Variants in TFF1 observed in about 807,000 individuals in gnomAD.
The protein encoded by TFF1 is trefoil factor 1, also known as breast cancer estrogen-inducible protein.
TFF1 carries 8 observed loss-of-function variants against 7.7 expected under a neutral mutation model. That is an observed-to-expected ratio of 1.04 (90% CI 0.61 to 1.87). TFF1 has a LOEUF of 1.87. Ranked by LOEUF, TFF1 falls within the 40% of genes most tolerant of loss-of-function variation. The pLI, the probability that TFF1 is intolerant of heterozygous loss-of-function variation, is 0.00. For missense variants in TFF1, 120 were observed against 113.4 expected (o/e 1.06, Z -0.26); for synonymous variants, 47 against 44.8 (o/e 1.05, Z -0.19).
intron 1 of TFF1, among the ~76,000 whole-genome samples, chr21:42,366,117 C>T (rs144789040): frequency 2.1e-4 from 32 of 152,296 alleles, no homozygotes; most frequent in African/African-American, 7.2e-4. Flanking sequence ...AACACTTCCT[C>T]TTTGAAACAT....
Position 42,362,282 on chromosome 21 carries a change from T to C in TFF1, c.*197A>G, listed in dbSNP as rs1210010975. ...TCTTTAAAAGAATGAACAGCACAGA[T>C]TAATATCGATCTCTTTTAATTTTTA... On this transcript the variant is annotated 3_prime_UTR_variant, in exon 3 of 3. Transcript: ENST00000291527. The C allele has an allele frequency of 8.2e-6, 5 of 608,224 alleles. No individual in the cohort carries two copies. The Admixed American group carries it at 1.4e-4, about 17-fold the overall frequency. The allele number at this position is 608,224 out of a possible 1,614,324, so 37.7% of individuals were successfully genotyped here.
In TFF1 at chr21:42,362,479, C is replaced by T; in HGVS notation, c.255G>A (p.Ter85=). 6.3e-7 allele frequency: 1 copy of T among 1,585,042 alleles called. No homozygotes were observed. Among genetic ancestry groups the T allele is most frequent in the Non-Finnish European group, 8.6e-7 (1 of 1,165,902 alleles). The change falls in exon 3 of 3, where the codon TAG becomes TAA. Residue 85 remains the stop codon, a stop_retained_variant. Transcript: ENST00000291527. ...DVPPEEECEF[*] ...TGCAGGCAGATCCCTGCAGAAGTGTCTAAAATTCACACTCCTCTACAGGGG... is the reference window on the plus strand; with the variant it reads ...TGCAGGCAGATCCCTGCAGAAGTGTTTAAAATTCACACTCCTCTACAGGGG...
rs372990908 is a variant in TFF1, at chr21:42,362,446, C to A, written c.*33G>T. 8 of 1,570,144 alleles carry A rather than the reference C, an allele frequency of 5.1e-6. No homozygotes were observed. The African/African-American group carries it at 9.5e-5, about 19-fold the overall frequency. Reference sequence around the variant, plus strand: ...AATCACCGTGCTGGGGACGGCACCGCGTCAGGATGCAGGCAGATCCCTGCA... The same window carrying A: ...AATCACCGTGCTGGGGACGGCACCGAGTCAGGATGCAGGCAGATCCCTGCA... On this transcript the variant is annotated 3_prime_UTR_variant, in exon 3 of 3. Coordinates refer to ENST00000291527, the MANE Select transcript of TFF1 (RefSeq NM_003225.3).
At position 42,366,466 on chromosome 21, in the gene TFF1, G is replaced by A. The variant is rs199751735; in HGVS notation, c.30C>T (p.Cys10=). Residue 10 remains cysteine (C), a synonymous_variant, in exon 1 of 3, where the codon TGC becomes TGT. Transcript: ENST00000291527. Reference sequence around the variant, plus strand: ...CCAGCATGGACACCAGGACCAGGGCGCAGATCACCTTGTTCTCCATGGTGG... The same window carrying A: ...CCAGCATGGACACCAGGACCAGGGCACAGATCACCTTGTTCTCCATGGTGG... MATMENKVI[C]ALVLVSMLAL... is the part of the protein sequence containing the mutation. 1.1e-4 allele frequency: 172 copies of A among 1,612,788 alleles called. 1 individual carries two copies. Among genetic ancestry groups the A allele is most frequent in the Admixed American group, 8.0e-4 (48 of 59,992 alleles).
At chr21:42,365,557 C>T (rs1468013116) in intron 1 of TFF1, among the ~76,000 whole-genome samples, 1 of 152,138 alleles carries the variant, frequency 6.6e-6, no homozygotes, top group African/African-American at 2.4e-5. Context: ...CTCTTCAGGC[C>T]TCTCTGGAAA....
At chr21:42,363,627 T>C (rs1021556940) in intron 1 of TFF1, among the ~76,000 whole-genome samples, 2 of 152,256 alleles carry the variant, frequency 1.3e-5, no homozygotes, top group African/African-American at 4.8e-5. Flanking sequence ...TTGTGGACTT[T>C]GCATCTTTCT....
Position 42,366,394 on chromosome 21 carries a change from G to A in TFF1, c.85+17C>T. 6.3e-7 allele frequency: 1 copy of A among 1,595,712 alleles called. No individual in the cohort carries two copies. Among genetic ancestry groups the A allele is most frequent in the Non-Finnish European group, 8.6e-7 (1 of 1,166,966 alleles). On this transcript the variant is annotated intron_variant, in intron 1 of 2. Coordinates refer to ENST00000291527, the MANE Select transcript of TFF1 (RefSeq NM_003225.3). ...AGCTGGCTGTGGCCCCACAGAGCAG[G>A]AAGAAGCACGCCTTACCTGTCTGGG...
Position 42,362,401 on chromosome 21 carries a change from G to T in TFF1, c.*78C>A. ...CGTGTCTGAGGTGTCCGGTGGAGGT[G>T]GCAGCCGAGCTCTGGGACTAATCAC... On this transcript the variant is annotated 3_prime_UTR_variant, in exon 3 of 3. Transcript: ENST00000291527. The T allele has an allele frequency of 6.6e-7, 1 of 1,515,254 alleles. No homozygotes were observed. The highest frequency in any genetic ancestry group is 1.2e-5 in the South Asian group (1 of 81,900). The allele number at this position is 1,515,254 out of a possible 1,614,324, so 93.9% of individuals were successfully genotyped here. A position where few individuals can be genotyped will look rare whatever the true frequency, so the allele number is the denominator to read the frequency against.
At chr21:42,363,025 G>A (rs371133955) in intron 2 of TFF1, among the ~76,000 whole-genome samples, 96 of 152,206 alleles carry the variant, frequency 6.3e-4, no homozygotes, top group African/African-American at 2.2e-3. Context: ...GGTTAGAGAT[G>A]TGAAGAGAAG....
intron 1 of TFF1, among the ~76,000 whole-genome samples, chr21:42,364,416 A>G (rs2052263066): frequency 6.6e-6 from 1 of 152,194 alleles, no homozygotes; most frequent in African/African-American, 2.4e-5. Context: ...GACAGAGGGT[A>G]CAAGCTGTGA....
chr21:42,366,197 C>A lies in TFF1; in HGVS notation c.85+214G>T, dbSNP rs147909397. On this transcript the variant is annotated intron_variant, in intron 1 of 2. Coordinates refer to ENST00000291527, the MANE Select transcript of TFF1 (RefSeq NM_003225.3). ...CCCCGACTGAAGGCAGCCCCCTCCT[C>A]GTCGCACTTCTCGAAGGTCTCCGGG... Among the ~76,000 whole-genome samples, 21 of 152,286 alleles carry A rather than the reference C, an allele frequency of 1.4e-4. 1 individual carries two copies. In the East Asian group the frequency reaches 4.1e-3, roughly 29 times the overall value.
At position 42,363,368 on chromosome 21, in the gene TFF1, C is replaced by T; in HGVS notation, c.125G>A (p.Gly42Asp). The T allele has an allele frequency of 6.2e-7, 1 of 1,614,170 alleles. No homozygotes were observed. The highest frequency in any genetic ancestry group is 8.5e-7 in the Non-Finnish European group (1 of 1,180,034). Residue 42 changes from glycine (G) to aspartate (D), a missense_variant, in exon 2 of 3, where the codon GGT (glycine) becomes GAT (aspartate). By Grantham distance (94) the Gly-to-Asp change is moderately conservative (BLOSUM62 -1). Coordinates refer to ENST00000291527, the MANE Select transcript of TFF1 (RefSeq NM_003225.3). The part of the protein sequence containing the change: ...TVAPRERQNC[G>D]FPGVTPSQCA... ...CTGGGAGGGCGTGACACCAGGAAAACCACAATTCTGTCTTTCACGGGGGGC... is the reference window on the plus strand; with the variant it reads ...CTGGGAGGGCGTGACACCAGGAAAATCACAATTCTGTCTTTCACGGGGGGC...
intron 2 of TFF1, 33 bp downstream of exon 2, chr21:42,363,222 A>G: frequency 1.9e-6 from 3 of 1,613,824 alleles, no homozygotes; most frequent in Non-Finnish European, 2.5e-6. Flanking sequence ...CTAATTCTAA[A>G]TCTTCAGAAC....
intron 1 of TFF1, among the ~76,000 whole-genome samples, chr21:42,363,819 T>C (rs2052258738): frequency 6.6e-6 from 1 of 151,958 alleles, no homozygotes; most frequent in Admixed American, 6.6e-5. Context: ...TTAATAAGAG[T>C]CTAAATATCT....
Position 42,362,753 on chromosome 21 carries a change from C to CA in TFF1, c.239-259dup, listed in dbSNP as rs531122225. On this transcript the variant is annotated intron_variant, in intron 2 of 2. Transcript: ENST00000291527. ...TGAAACCCCGTCTATACTAAAAATA[C>CA]AAAAAAAATTTAGCTGGGCGTAGTG... 5.7e-3 allele frequency among the ~76,000 whole-genome samples: 867 copies of CA among 151,696 alleles called. 8 individuals are homozygous for CA. Among genetic ancestry groups the CA allele is most frequent in the African/African-American group, 0.018 (755 of 41,380 alleles).
intron 2 of TFF1, among the ~76,000 whole-genome samples, 171 bp downstream of exon 2, chr21:42,363,084 A>G (rs1009255110): frequency 6.6e-6 from 1 of 151,948 alleles, no homozygotes; most frequent in Admixed American, 6.6e-5. Context: ...CTGCCTTTCT[A>G]TTCCTGGACC....
chr21:42,365,070 G>T (rs539734896), intron 1 of TFF1, among the ~76,000 whole-genome samples: 1 of 152,124 alleles, frequency 6.6e-6, no homozygotes, highest in Non-Finnish European at 1.5e-5. Context: ...TGTCTTTGTC[G>T]CATGATGGAA....
chr21:42,364,280 G>A (rs769170444), intron 1 of TFF1, among the ~76,000 whole-genome samples: 44 of 152,254 alleles, frequency 2.9e-4, no homozygotes, highest in Non-Finnish European at 5.9e-4. Flanking sequence ...CCTGCAGGAG[G>A]AGGTTCACCA....
At chr21:42,362,946 G>A (rs225353) in intron 2 of TFF1, among the ~76,000 whole-genome samples, 1 of 150,852 alleles carries the variant, frequency 6.6e-6, no homozygotes, top group Admixed American at 6.6e-5. Flanking sequence ...TTCAGATTTC[G>A]TCATGCCTTC....
Sources: allele counts gnomAD v4.1 joint callset (sites outside exome capture counted in the v4.1 genomes callset), GRCh38; gene constraint gnomAD v4.1.1; transcripts MANE v1.5; gene names NCBI Gene and HGNC (gene_info 2026-07-23, HGNC 2026-07-21).